Variants in ERBIN observed in about 807,000 individuals in gnomAD.
ERBIN encodes densin-180-like protein.
In ERBIN, 60 loss-of-function variants were observed where a neutral mutation model predicts 158.4. That is an observed-to-expected ratio of 0.38 (90% CI 0.31 to 0.47). ERBIN has a LOEUF of 0.47. Ranked by LOEUF, ERBIN falls within the 20% of genes least tolerant of loss-of-function variation. ERBIN has a pLI of 0.99. For synonymous variants in ERBIN, 594 were observed against 557.2 expected, an observed-to-expected ratio of 1.07 and a Z score of -0.93; for missense variants, 1,610 against 1,648.0, an observed-to-expected ratio of 0.98 and a Z score of 0.40.
intron 15 of ERBIN, among the ~76,000 whole-genome samples, chr5:66,038,990 G>A (rs567659077): frequency 2.0e-5 from 3 of 151,614 alleles, no homozygotes; most frequent in African/African-American, 7.3e-5. Context: ...TTAGACTAAC[G>A]AGCAAATTGT....
intron 21 of ERBIN, among the ~76,000 whole-genome samples, chr5:66,056,470 A>AC (rs1197670072): frequency 6.6e-6 from 1 of 151,024 alleles, no homozygotes; most frequent in Non-Finnish European, 1.5e-5. Context: ...CTCCTGTCTG[A>AC]CAGATATACC....
At chr5:66,069,840 G>A (rs60579917) in intron 21 of ERBIN, among the ~76,000 whole-genome samples, 6,121 of 152,046 alleles carry the variant, frequency 0.04, 414 homozygotes, top group African/African-American at 0.14. Flanking sequence ...CTACCTGAGC[G>A]ATGGTATCCC....
intron 1 of ERBIN, among the ~76,000 whole-genome samples, chr5:65,944,503 C>T (rs6895084): frequency 2.6e-5 from 4 of 152,052 alleles, no homozygotes; most frequent in African/African-American, 9.7e-5. Context: ...CTCCCATGCT[C>T]AAGCAATCCT....
At chr5:66,058,156 G>C (rs1580494110) in intron 21 of ERBIN, among the ~76,000 whole-genome samples, 1 of 151,902 alleles carries the variant, frequency 6.6e-6, no homozygotes, top group African/African-American at 2.4e-5. Context: ...CACCAACAGT[G>C]TAAAAGTGTT....
chr5:66,063,979 C>G (rs1760735674), intron 21 of ERBIN, among the ~76,000 whole-genome samples: 2 of 152,038 alleles, frequency 1.3e-5, no homozygotes, highest in Non-Finnish European at 2.9e-5. Flanking sequence ...AAATATAGTT[C>G]AGAAGATTAT....
At chr5:65,976,952 A>G (rs920489082) in intron 1 of ERBIN, among the ~76,000 whole-genome samples, 59 of 152,144 alleles carry the variant, frequency 3.9e-4, no homozygotes, top group African/African-American at 1.3e-3. Flanking sequence ...CGATTTCTCA[A>G]TCTTTTCCCC....
intron 1 of ERBIN, among the ~76,000 whole-genome samples, chr5:65,928,395 G>T (rs1742944774): frequency 1.3e-5 from 2 of 151,962 alleles, no homozygotes; most frequent in Admixed American, 1.3e-4. Context: ...GTTATTCTTG[G>T]GCATCTGAAA....
At chr5:66,055,096 TAA>T (rs1759459331) in intron 21 of ERBIN, 145 bp downstream of exon 21, 1 of 1,407,494 alleles carries the variant, frequency 7.1e-7, no homozygotes, top group Non-Finnish European at 9.2e-7. Context: ...GTTCCAAATT[TAA>T]ACTCAGCCAG....
intron 1 of ERBIN, among the ~76,000 whole-genome samples, chr5:65,947,547 T>C (rs1209734465): frequency 6.6e-6 from 1 of 152,170 alleles, no homozygotes; most frequent in Non-Finnish European, 1.5e-5. Context: ...GAAAATCAGA[T>C]CCAAGGAAAG....
intron 4 of ERBIN, among the ~76,000 whole-genome samples, chr5:66,007,173 A>C (rs575320762): frequency 1.3e-5 from 2 of 151,332 alleles, no homozygotes; most frequent in South Asian, 2.1e-4. Flanking sequence ...GATTAAGAAA[A>C]TGTGGCACAT....
At chr5:66,060,305 A>G (rs1030306688) in intron 21 of ERBIN, among the ~76,000 whole-genome samples, 6 of 152,190 alleles carry the variant, frequency 3.9e-5, no homozygotes, top group Admixed American at 2.6e-4. Flanking sequence ...CATTTCTTCT[A>G]GATTTTCTAG....
chr5:65,952,613 A>C (rs116548400), intron 1 of ERBIN, among the ~76,000 whole-genome samples: 1 of 152,270 alleles, frequency 6.6e-6, no homozygotes, highest in African/African-American at 2.4e-5. Flanking sequence ...CTTTCCCTGA[A>C]AAGGTATATG....
At chr5:66,062,765 A>C (rs152935) in intron 21 of ERBIN, among the ~76,000 whole-genome samples, 1 of 151,944 alleles carries the variant, frequency 6.6e-6, no homozygotes, top group African/African-American at 2.4e-5. Flanking sequence ...AATAGTCACA[A>C]CCCTCAGCTG....
At chr5:66,038,951 G>A (rs16894772) in intron 15 of ERBIN, among the ~76,000 whole-genome samples, 8,747 of 151,884 alleles carry the variant, frequency 0.058, 881 homozygotes, top group African/African-American at 0.2. Flanking sequence ...GGGCACAGAT[G>A]TTTTTATAGA....
chr5:66,018,479 AT>A lies in ERBIN; in HGVS notation c.534-2841del, dbSNP rs1227495664. ...TTATATTATATAATATATATTATAT[AT>A]TATATATTATATTATATAATATATA... On this transcript the variant is annotated intron_variant, in intron 7 of 25. Transcript: ENST00000284037. Among the ~76,000 whole-genome samples, 19 of 4,898 alleles carry A rather than the reference AT, an allele frequency of 3.9e-3. 6 individuals are homozygous for A. The highest frequency in any genetic ancestry group is 0.015 in the South Asian group (3 of 202). 3.2% of individuals were successfully genotyped at this position (4,898 alleles called of 152,430 possible).
At chr5:65,984,222 G>A (rs763763209) in intron 1 of ERBIN, among the ~76,000 whole-genome samples, 4 of 152,044 alleles carry the variant, frequency 2.6e-5, no homozygotes, top group Non-Finnish European at 4.4e-5. Context: ...CACACCCAGC[G>A]TGGCCTCCTT....
intron 1 of ERBIN, among the ~76,000 whole-genome samples, chr5:65,955,745 A>G (rs1328136522): frequency 6.6e-6 from 1 of 152,236 alleles, no homozygotes; most frequent in Non-Finnish European, 1.5e-5. Flanking sequence ...AGTGACAACT[A>G]CAACGGTTTT....
intron 2 of ERBIN, among the ~76,000 whole-genome samples, chr5:65,990,726 C>A (rs1167465245): frequency 6.6e-6 from 1 of 151,822 alleles, no homozygotes; most frequent in African/African-American, 2.4e-5. Context: ...TAGCACAGTG[C>A]CTGGTATAGA....
intron 4 of ERBIN, among the ~76,000 whole-genome samples, chr5:65,998,629 G>A (rs1360260159): frequency 6.6e-6 from 1 of 151,974 alleles, no homozygotes; most frequent in African/African-American, 2.4e-5. Context: ...AGGCCCAGTG[G>A]CTCACACCTG....
Sources: allele counts gnomAD v4.1 joint callset (sites outside exome capture counted in the v4.1 genomes callset), GRCh38; gene constraint gnomAD v4.1.1; transcripts MANE v1.5; gene names NCBI Gene and HGNC (gene_info 2026-07-23, HGNC 2026-07-21).